The following KIRREL1 variants were observed in gnomAD, a reference collection of about 807,000 sequenced individuals.
The protein encoded by KIRREL1 is kin of IRRE-like protein 1.
KIRREL1 carries 25 observed loss-of-function variants against 83.3 expected under a neutral mutation model. That is an observed-to-expected ratio of 0.30 (90% confidence interval 0.22 to 0.42). The LOEUF (loss-of-function observed/expected upper bound fraction) is 0.42, where lower values mean the gene tolerates loss of function less well. KIRREL1 is among the 10% of genes least tolerant of loss of function. The probability of loss-of-function intolerance (pLI) is 1.00; values close to 1 mark genes in which losing one functional copy is unlikely to be tolerated. For synonymous variants in KIRREL1, 388 were observed against 410.4 expected (o/e 0.95, Z 0.66); for missense variants, 812 against 1,032.3 (o/e 0.79, Z 2.92).
At chr1:158,070,826 G>T (rs1558010234) in intron 1 of KIRREL1, among the ~76,000 whole-genome samples, 1 of 152,238 alleles carries the variant, frequency 6.6e-6, no homozygotes, top group South Asian at 2.1e-4. Flanking sequence ...GAAGCACAGA[G>T]CTGCCACGCC....
chr1:158,028,666 A>AT (rs1660237256), intron 1 of KIRREL1, among the ~76,000 whole-genome samples: 1 of 152,046 alleles, frequency 6.6e-6, no homozygotes, highest in Admixed American at 6.6e-5. Context: ...TATTTTTTCT[A>AT]TTTTTTTAAC....
Position 157,997,989 on chromosome 1 carries a change from C to T in KIRREL1, c.52+4261C>T, listed in dbSNP as rs558705408. The stretch of plus-strand genomic sequence containing the variant: ...CTCCTCCTAGGCTCAAGCCATTCTC[C>T]TACCTCAGCCTCCTAAGTAGCTAGG... On this transcript the variant is annotated intron_variant, in intron 1 of 14. Coordinates refer to ENST00000359209, the MANE Select transcript of KIRREL1 (RefSeq NM_018240.7). Among the ~76,000 whole-genome samples, 5 of 152,238 alleles carry T rather than the reference C, an allele frequency of 3.3e-5. No individual in the cohort carries two copies. In the South Asian group the frequency reaches 8.3e-4, roughly 25 times the overall value.
chr1:158,056,916 C>G (rs1051529060), intron 1 of KIRREL1, among the ~76,000 whole-genome samples: 3 of 152,126 alleles, frequency 2.0e-5, no homozygotes, highest in Non-Finnish European at 4.4e-5. Context: ...AGGAGTCATT[C>G]AGTCTTTGCC....
intron 1 of KIRREL1, among the ~76,000 whole-genome samples, chr1:158,036,830 T>A (rs1171662243): frequency 6.6e-6 from 1 of 152,134 alleles, no homozygotes; most frequent in Non-Finnish European, 1.5e-5. Context: ...GACAGCAAGC[T>A]GTCTGGAGAA....
intron 1 of KIRREL1, among the ~76,000 whole-genome samples, chr1:158,012,631 T>C (rs1659719113): frequency 6.6e-6 from 1 of 152,250 alleles, no homozygotes; most frequent in South Asian, 2.1e-4. Flanking sequence ...TGTGTGACCT[T>C]GTGCAAGTCT....
intron 1 of KIRREL1, among the ~76,000 whole-genome samples, chr1:158,016,946 G>GTC (rs1659842231): frequency 6.6e-6 from 1 of 152,192 alleles, no homozygotes; most frequent in Non-Finnish European, 1.5e-5. Context: ...TGCATTCTTT[G>GTC]TCTCTTATTT....
chr1:158,094,394 G>T lies in KIRREL1; in HGVS notation c.1797+4G>T. 1 of 1,612,424 alleles carries T rather than the reference G, an allele frequency of 6.2e-7. No individual in the cohort carries two copies. The highest frequency in any genetic ancestry group is 8.5e-7 in the Non-Finnish European group (1 of 1,179,386). On this transcript the variant is annotated splice_donor_region_variant and intron_variant, in intron 14 of 14. Coordinates refer to ENST00000359209, the MANE Select transcript of KIRREL1 (RefSeq NM_018240.7). This position sits in a 1 kb window ranked among gnomAD's most constrained non-coding sequence, Gnocchi z 4.6. ...CCGGGAGGAGTATGAGATGAAGGTG[G>T]GAAAGGGGGAAGGGGCCAGGGCATG...
intron 5 of KIRREL1, 55 bp from the exon 6 acceptor site, chr1:158,087,700 A>ATT: frequency 7.5e-7 from 1 of 1,333,510 alleles, no homozygotes; most frequent in Non-Finnish European, 1.1e-6. Flanking sequence ...TTAGGGAGGG[A>ATT]AAAAGAAACT....
rs566131297 is a variant in KIRREL1, at chr1:157,993,664, G to A, written c.-13G>A. ...GGCCCCAGCCGCGGGCGGGCGCACG[G>A]CGGGCGGACAGCATGCTGAGCCTCC... On this transcript the variant is annotated 5_prime_UTR_variant, in exon 1 of 15. Transcript: ENST00000359209. 518 of 1,475,580 alleles carry A rather than the reference G, an allele frequency of 3.5e-4. 8 individuals carry two copies. In the East Asian group the frequency reaches 0.015, roughly 44 times the overall value. 91.4% of individuals were successfully genotyped at this position (1,475,580 alleles called of 1,614,324 possible). A position where few individuals can be genotyped will look rare whatever the true frequency, so the allele number is the denominator to read the frequency against.
chr1:158,012,108 A>T (rs532115875), intron 1 of KIRREL1, among the ~76,000 whole-genome samples: 1 of 152,268 alleles, frequency 6.6e-6, no homozygotes, highest in Admixed American at 6.5e-5. Flanking sequence ...CAATAAGATT[A>T]AAAAATGTAG....
At chr1:158,054,212 C>CAAAAA (rs57034495) in intron 1 of KIRREL1, among the ~76,000 whole-genome samples, 4 of 85,088 alleles carry the variant, frequency 4.7e-5, no homozygotes, top group African/African-American at 1.1e-4. Flanking sequence ...GACTCCATCT[C>CAAAAA]AAAAAAAAAA....
chr1:157,996,802 T>C (rs1229078637), intron 1 of KIRREL1, among the ~76,000 whole-genome samples: 1 of 152,180 alleles, frequency 6.6e-6, no homozygotes, highest in East Asian at 1.9e-4. Flanking sequence ...TTGACTGAAC[T>C]CCACTTTCTG....
At position 158,076,254 on chromosome 1, in the gene KIRREL1, G is replaced by A. The variant is rs781460289; in HGVS notation, c.194G>A (p.Gly65Asp). 3 of 1,613,878 alleles carry A rather than the reference G, an allele frequency of 1.9e-6. No individual in the cohort carries two copies. In the Admixed American group the frequency reaches 5.0e-5, roughly 27 times the overall value. ...KDGLALGMGQGLKAWPRYRVV... is the reference protein window; with the variant it reads ...KDGLALGMGQDLKAWPRYRVV... ...GGGCTGGCCCTGGGCATGGGCCAGG[G>A]CCTCAAAGGTGAGTGCCTGGCTACC... is the stretch of plus-strand genomic sequence containing the variant. The change falls in exon 2 of 15, where the codon GGC becomes GAC. Residue 65 changes from glycine to aspartate, a missense_variant. By Grantham distance (94) the Gly-to-Asp change is moderately conservative (BLOSUM62 -1). Around this residue, in one of 3 missense-constraint regions of KIRREL1, gnomAD observed 472 missense variants for 626.8 expected, o/e 0.75. Transcript: ENST00000359209.
chr1:158,100,199 A>G lies in KIRREL1; in HGVS notation c.*5079A>G. On this transcript the variant is annotated 3_prime_UTR_variant, in exon 15 of 15. Transcript: ENST00000359209. ...TTATGTACTATATTTTTAGTCTCAA[A>G]CACACTATATATTATATATATTTAA... 6.7e-6 allele frequency: 1 copy of G among 149,310 alleles called. No homozygotes were observed. Among genetic ancestry groups the G allele is most frequent in the East Asian group, 1.9e-4 (1 of 5,166 alleles). The allele number at this position is 149,310 out of a possible 1,614,324, so 9.2% of individuals were successfully genotyped here. A position where few individuals can be genotyped will look rare whatever the true frequency, so the allele number is the denominator to read the frequency against.
intron 1 of KIRREL1, among the ~76,000 whole-genome samples, chr1:158,062,416 C>T (rs780067548): frequency 1.1e-4 from 17 of 152,244 alleles, no homozygotes; most frequent in Non-Finnish European, 1.8e-4. Flanking sequence ...GCCCCCTGTA[C>T]GTGTAGAATG....
intron 1 of KIRREL1, among the ~76,000 whole-genome samples, chr1:158,036,626 A>G (rs777328554): frequency 1.3e-5 from 2 of 152,176 alleles, no homozygotes; most frequent in Admixed American, 6.5e-5. Flanking sequence ...AACCCGGGAA[A>G]GAGAGGCGCT....
chr1:158,055,372 C>T (rs1255849292), intron 1 of KIRREL1, among the ~76,000 whole-genome samples: 1 of 152,116 alleles, frequency 6.6e-6, no homozygotes, highest in Non-Finnish European at 1.5e-5. Flanking sequence ...CGGGTTAAGT[C>T]CTTTACTTTT....
chr1:158,093,128 G>T (rs191748213), intron 11 of KIRREL1, among the ~76,000 whole-genome samples: 3 of 152,326 alleles, frequency 2.0e-5, no homozygotes, highest in African/African-American at 7.2e-5. Context: ...TGGAGCTGGA[G>T]CACAGACCAA....
intron 8 of KIRREL1, among the ~76,000 whole-genome samples, chr1:158,088,830 G>A (rs185829420): frequency 1.3e-5 from 2 of 152,308 alleles, no homozygotes; most frequent in Admixed American, 1.3e-4. Flanking sequence ...GGCCACAGAT[G>A]GGAGTAGATG....
Sources: gnomAD v4.1 joint callset for allele counts (sites outside exome capture counted in the v4.1 genomes callset) on GRCh38, gnomAD v4.1.1 for gene constraint, gnomAD v4.1.1 regional missense constraint, Gnocchi (gnomAD v3.1) non-coding constraint, MANE v1.5 for transcripts, NCBI Gene and HGNC (gene_info 2026-07-23, HGNC 2026-07-21) for gene names.